The following PRKRIP1 variants were observed in gnomAD, a reference collection of about 807,000 sequenced individuals.
PRKRIP1 encodes the protein PRKR-interacting protein 1.
PRKRIP1 carries 29 observed loss-of-function variants against 29.3 expected under a neutral mutation model. That is an observed-to-expected ratio of 0.99 (90% CI 0.74 to 1.35). The LOEUF is 1.35. PRKRIP1 is among the 40% of genes most tolerant of loss of function. The pLI is 0.00. For synonymous variants in PRKRIP1, 90 were observed against 85.1 expected, an observed-to-expected ratio of 1.06 and a Z score of -0.32; for missense variants, 247 against 236.8, an observed-to-expected ratio of 1.04 and a Z score of -0.28.
At chr7:102,408,708 T>C (rs1480908588) in intron 5 of PRKRIP1, among the ~76,000 whole-genome samples, 1 of 152,208 alleles carries the variant, frequency 6.6e-6, no homozygotes, top group Non-Finnish European at 1.5e-5. Context: ...CAGACTTTCA[T>C]TGACGTATTA....
chr7:102,397,203 C>G (rs1399525210), intron 1 of PRKRIP1, among the ~76,000 whole-genome samples: 1 of 152,130 alleles, frequency 6.6e-6, no homozygotes, highest in Non-Finnish European at 1.5e-5. Flanking sequence ...GTCCAAGTAG[C>G]AAAGCAGTCC....
chr7:102,415,259 T>TG (rs1554572949), intron 5 of PRKRIP1, among the ~76,000 whole-genome samples: 1 of 152,172 alleles, frequency 6.6e-6, no homozygotes, highest in Non-Finnish European at 1.5e-5. Context: ...TTTTTTGAAA[T>TG]GGAGTCTTGC....
At chr7:102,422,300 A>G (rs372034817) in intron 5 of PRKRIP1, among the ~76,000 whole-genome samples, 3 of 151,100 alleles carry the variant, frequency 2.0e-5, no homozygotes, top group Admixed American at 1.3e-4. Context: ...TCAGCCTCCC[A>G]ATTAGCTGGA....
At chr7:102,414,986 A>G (rs1235670454) in intron 5 of PRKRIP1, among the ~76,000 whole-genome samples, 1 of 152,182 alleles carries the variant, frequency 6.6e-6, no homozygotes, top group Non-Finnish European at 1.5e-5. Flanking sequence ...AATATATTGC[A>G]GGTTACTTTC....
At position 102,404,685 on chromosome 7, in the gene PRKRIP1, T is replaced by G; in HGVS notation, c.392+2T>G. On this transcript the variant is annotated splice_donor_variant, in intron 4 of 5. Coordinates refer to ENST00000397912, the MANE Select transcript of PRKRIP1 (RefSeq NM_024653.4). LOFTEE classifies it high-confidence loss of function. ...GACCGCAAAGCGCCGGAAGAAGCGG[T>G]AAGCGGCATGGCCTAACTGTGATGA... 6.2e-7 allele frequency: 1 copy of G among 1,612,602 alleles called. No homozygotes were observed. The highest frequency in any genetic ancestry group is 8.5e-7 in the Non-Finnish European group (1 of 1,179,206).
rs1422144787 is a variant in PRKRIP1, at chr7:102,397,642, A to G, written c.149A>G (p.Glu50Gly). The G allele has an allele frequency of 3.1e-6, 5 of 1,613,918 alleles. No homozygotes were observed. In the African/African-American group the frequency reaches 6.7e-5, roughly 22 times the overall value. The change falls in exon 2 of 6, where the codon GAG (glutamate) becomes GGG (glycine). Residue 50 changes from glutamate (E) to glycine (G), a missense_variant. Glu to Gly is a moderately conservative substitution (Grantham distance 98). Around this residue, in one of 3 missense-constraint regions of PRKRIP1, gnomAD observed 105 missense variants for 80.2 expected, o/e 1.31. Coordinates refer to ENST00000397912, the MANE Select transcript of PRKRIP1 (RefSeq NM_024653.4). ...CAGGACAAAGCAGTTCCAATTCCAG[A>G]GAAAATGAGTGAATGGGCACCTCGA... is the stretch of plus-strand genomic sequence containing the variant. ...KNPDKAVPIPEKMSEWAPRPP... is the reference protein window; with the variant it reads ...KNPDKAVPIPGKMSEWAPRPP...
intron 5 of PRKRIP1, among the ~76,000 whole-genome samples, chr7:102,416,823 A>AT (rs1253179406): frequency 6.6e-6 from 1 of 150,514 alleles, no homozygotes; most frequent in Non-Finnish European, 1.5e-5. Flanking sequence ...GCAACTACAG[A>AT]TGCGCACCTC....
chr7:102,416,990 G>A (rs193133410), intron 5 of PRKRIP1, among the ~76,000 whole-genome samples: 4 of 151,914 alleles, frequency 2.6e-5, no homozygotes, highest in Admixed American at 2.6e-4. Context: ...TGAGTAGCTG[G>A]GACTACAGGC....
At chr7:102,404,808 CTT>C in intron 4 of PRKRIP1, 125 bp downstream of exon 4, 1 of 628,018 alleles carries the variant, frequency 1.6e-6, no homozygotes, top group Non-Finnish European at 2.8e-6. Context: ...AGAGCAATGA[CTT>C]CTACTACCTG....
intron 3 of PRKRIP1, among the ~76,000 whole-genome samples, chr7:102,403,010 G>A (rs2133170146): frequency 6.6e-6 from 1 of 152,102 alleles, no homozygotes; most frequent in Admixed American, 6.6e-5. Flanking sequence ...GAGTACCTGG[G>A]ATTACAGGTG....
chr7:102,401,742 CA>C (rs1386478783), intron 3 of PRKRIP1, among the ~76,000 whole-genome samples: 56 of 150,850 alleles, frequency 3.7e-4, no homozygotes, highest in African/African-American at 1.3e-3. Context: ...TCAAAAAAAA[CA>C]AAAACAAAAA....
chr7:102,409,208 T>A (rs1244938598), intron 5 of PRKRIP1, among the ~76,000 whole-genome samples: 1 of 152,094 alleles, frequency 6.6e-6, no homozygotes, highest in East Asian at 1.9e-4. Context: ...ATTGGCCACT[T>A]CTAGGAACCA....
At chr7:102,416,591 G>A (rs1157676854) in intron 5 of PRKRIP1, among the ~76,000 whole-genome samples, 6 of 151,878 alleles carry the variant, frequency 4.0e-5, no homozygotes, top group Non-Finnish European at 5.9e-5. Flanking sequence ...GGGGTAGTTT[G>A]TTTTGGGGAT....
At chr7:102,408,792 A>G (rs1023771281) in intron 5 of PRKRIP1, among the ~76,000 whole-genome samples, 2 of 151,974 alleles carry the variant, frequency 1.3e-5, no homozygotes, top group African/African-American at 4.8e-5. Flanking sequence ...CAGGAGAATC[A>G]CTTGAGCCCA....
Position 102,396,506 on chromosome 7 carries a change from A to C in PRKRIP1, c.95A>C (p.Lys32Thr). ...VIPKNAAEEQ[K>T]LKLERLMKNP... ...CCCAAGAATGCGGCGGAGGAGCAGAAGCTCAAGCTGGAGCGGCTCATGAAG... is the reference window on the plus strand; with the variant it reads ...CCCAAGAATGCGGCGGAGGAGCAGACGCTCAAGCTGGAGCGGCTCATGAAG... Residue 32 changes from lysine to threonine, a missense_variant, in exon 1 of 6, where the codon AAG becomes ACG. Lys to Thr is a moderately conservative substitution (Grantham distance 78). Transcript: ENST00000397912. 1 of 1,610,082 alleles carries C rather than the reference A, an allele frequency of 6.2e-7. No homozygotes were observed. Among genetic ancestry groups the C allele is most frequent in the East Asian group, 2.2e-5 (1 of 44,460 alleles).
chr7:102,424,293 T>C (rs6415337), intron 5 of PRKRIP1, among the ~76,000 whole-genome samples: 150,724 of 152,364 alleles, frequency 0.99, 74,567 homozygotes, highest in Middle Eastern at 1. Context: ...CGGGTGAGCC[T>C]ACCCATTTGT....
chr7:102,401,215 A>G (rs1796061323), intron 3 of PRKRIP1, among the ~76,000 whole-genome samples: 1 of 152,202 alleles, frequency 6.6e-6, no homozygotes, highest in South Asian at 2.1e-4. Flanking sequence ...GCATACCAAT[A>G]GAGGTATGGA....
At chr7:102,397,768 G>A in intron 2 of PRKRIP1, 70 bp downstream of exon 2, 1 of 1,461,068 alleles carries the variant, frequency 6.8e-7, no homozygotes, top group Non-Finnish European at 9.5e-7. Flanking sequence ...GCTATAGGCT[G>A]GGCGTGGTGG....
intron 5 of PRKRIP1, among the ~76,000 whole-genome samples, chr7:102,418,297 G>T (rs1796607082): frequency 6.6e-6 from 1 of 152,042 alleles, no homozygotes; most frequent in Non-Finnish European, 1.5e-5. Flanking sequence ...CAGTCCACCT[G>T]CCTCGGCCTC....
Sources: gnomAD v4.1 joint callset for allele counts (sites outside exome capture counted in the v4.1 genomes callset) on GRCh38, gnomAD v4.1.1 for gene constraint, gnomAD v4.1.1 regional missense constraint, MANE v1.5 for transcripts, NCBI Gene and HGNC (gene_info 2026-07-23, HGNC 2026-07-21) for gene names.